LIPA: variants seen among roughly 807,000 people sequenced by gnomAD.
The protein encoded by LIPA is lipase A, lysosomal acid type, also known as lysosomal acid lipase/cholesteryl ester hydrolase.
A neutral mutation model predicts 40.6 loss-of-function variants in LIPA; 26 were observed. That is an observed-to-expected ratio of 0.64 (90% CI 0.47 to 0.89). LIPA has a LOEUF of 0.89. Among genes scored for constraint, LIPA ranks in the 40% least tolerant of loss-of-function variants. LIPA has a pLI of 0.00. For missense variants in LIPA, 455 were observed against 479.6 expected (o/e 0.95, Z 0.48); for synonymous variants, 188 against 168.4 (o/e 1.12, Z -0.90).
At chr10:89,360,507 G>A (rs575029375) in intron 2 of LIPA, among the ~76,000 whole-genome samples, 2 of 152,314 alleles carry the variant, frequency 1.3e-5, no homozygotes, top group Admixed American at 1.3e-4. Flanking sequence ...ATTTACACAA[G>A]CACCATAGAG....
At chr10:89,300,564 G>A (rs761680438) in intron 1 of LIPA, among the ~76,000 whole-genome samples, 30 of 152,182 alleles carry the variant, frequency 2.0e-4, no homozygotes, top group Non-Finnish European at 4.3e-4. Context: ...AATAAAAAGG[G>A]GGAAAATATT....
intron 8 of LIPA, among the ~76,000 whole-genome samples, chr10:89,217,608 A>G (rs191208249): frequency 6.6e-6 from 1 of 152,244 alleles, no homozygotes; most frequent in Non-Finnish European, 1.5e-5. Context: ...ACTTTGTGCT[A>G]AGTCACTTAG....
At chr10:89,215,215 T>A (rs1473979341) in intron 9 of LIPA, among the ~76,000 whole-genome samples, 154 bp from the exon 10 acceptor site, 1 of 152,238 alleles carries the variant, frequency 6.6e-6, no homozygotes, top group Non-Finnish European at 1.5e-5. Flanking sequence ...CAAGTTGCCA[T>A]TACCGGCACA....
At chr10:89,356,170 T>C (rs971571201) in intron 2 of LIPA, among the ~76,000 whole-genome samples, 2 of 151,996 alleles carry the variant, frequency 1.3e-5, no homozygotes, top group African/African-American at 4.8e-5. Flanking sequence ...GTAACACAAC[T>C]AAGGAACAAC....
At chr10:89,271,561 G>A (rs750043273) in intron 1 of LIPA, among the ~76,000 whole-genome samples, 3 of 152,340 alleles carry the variant, frequency 2.0e-5, no homozygotes, top group Non-Finnish European at 4.4e-5. Flanking sequence ...GAGGAGTATG[G>A]TGGCTTGCAG....
intron 2 of LIPA, among the ~76,000 whole-genome samples, chr10:89,394,242 G>C (rs1844300575): frequency 6.6e-6 from 1 of 152,148 alleles, no homozygotes; most frequent in Non-Finnish European, 1.5e-5. Flanking sequence ...TTTAAACATA[G>C]AGTACAGCAA....
intron 1 of LIPA, among the ~76,000 whole-genome samples, chr10:89,286,587 A>C (rs1843342477): frequency 6.6e-6 from 1 of 152,132 alleles, no homozygotes; most frequent in Admixed American, 6.5e-5. Flanking sequence ...GCTCTTTTTC[A>C]TCAAATATAA....
chr10:89,384,872 G>A (rs1844194183), intron 2 of LIPA: 1 of 740,880 alleles, frequency 1.3e-6, no homozygotes, highest in East Asian at 2.6e-5. Context: ...TGTGTGGCCT[G>A]AGTTATGTAG....
chr10:89,352,057 A>T (rs1385618642), intron 2 of LIPA, among the ~76,000 whole-genome samples: 1 of 152,150 alleles, frequency 6.6e-6, no homozygotes, highest in Admixed American at 6.5e-5. Context: ...CCCCTTCCTT[A>T]TTAATCTTTA....
chr10:89,312,080 G>A (rs1843519600), intron 1 of LIPA, among the ~76,000 whole-genome samples: 2 of 151,934 alleles, frequency 1.3e-5, no homozygotes, highest in African/African-American at 4.8e-5. Flanking sequence ...TCTTTCTAGA[G>A]ATGACTTTGC....
upstream of LIPA, among the ~76,000 whole-genome samples, chr10:89,253,138 A>ATAT (rs1226830118): frequency 6.6e-6 from 1 of 152,212 alleles, no homozygotes; most frequent in Non-Finnish European, 1.5e-5. Context: ...AGCCAGTGTA[A>ATAT]TATTTTCAAT....
chr10:89,318,004 G>A lies in LIPA; in HGVS notation c.-2+24607C>T, dbSNP rs375676430. On this transcript the variant is annotated intron_variant, in intron 1 of 5. Coordinates refer to the LIPA transcript ENST00000282673. Reference sequence around the variant, plus strand: ...TGAAGGAGAAATAAAATCCTTTACAGACAAGCAAAGGCTGAGAGATTTTGT... The same window carrying A: ...TGAAGGAGAAATAAAATCCTTTACAAACAAGCAAAGGCTGAGAGATTTTGT... 3.9e-5 allele frequency among the ~76,000 whole-genome samples: 6 copies of A among 152,176 alleles called. No homozygotes were observed. In the East Asian group the frequency reaches 7.7e-4, roughly 20 times the overall value.
intron 6 of LIPA, 54 bp from the exon 7 acceptor site, chr10:89,223,884 A>T: frequency 6.3e-7 from 1 of 1,582,466 alleles, no homozygotes. Context: ...CTGGTGCATA[A>T]GTCTCCGTGA....
At chr10:89,276,125 A>C (rs993938333) in intron 1 of LIPA, among the ~76,000 whole-genome samples, 2 of 152,014 alleles carry the variant, frequency 1.3e-5, no homozygotes, top group Non-Finnish European at 2.9e-5. Context: ...CAAGGCACTT[A>C]ATGCACATTA....
chr10:89,241,554 C>G (rs1175801281), intron 3 of LIPA, among the ~76,000 whole-genome samples: 1 of 152,144 alleles, frequency 6.6e-6, no homozygotes, highest in East Asian at 1.9e-4. Context: ...AATAAACAAT[C>G]AAAGCAAAAT....
intron 2 of LIPA, among the ~76,000 whole-genome samples, chr10:89,400,668 C>T (rs1185310084): frequency 6.6e-6 from 1 of 152,086 alleles, no homozygotes; most frequent in Non-Finnish European, 1.5e-5. Context: ...TGTGTAGAAT[C>T]CTTAGAATTT....
At chr10:89,397,776 C>T (rs1564808764) in intron 2 of LIPA, among the ~76,000 whole-genome samples, 1 of 152,128 alleles carries the variant, frequency 6.6e-6, no homozygotes, top group African/African-American at 2.4e-5. Context: ...TACCAATTTA[C>T]AAAAACACTT....
chr10:89,252,633 C>A (rs954904063), upstream of LIPA, among the ~76,000 whole-genome samples: 1 of 152,100 alleles, frequency 6.6e-6, no homozygotes, highest in Non-Finnish European at 1.5e-5. Flanking sequence ...CTTGGTGAAA[C>A]CCCATCTCTA....
intron 2 of LIPA, among the ~76,000 whole-genome samples, chr10:89,395,623 G>A (rs1844331550): frequency 6.6e-6 from 1 of 152,118 alleles, no homozygotes; most frequent in Non-Finnish European, 1.5e-5. Context: ...GCATCTGCCT[G>A]ATATAAACAA....
Sources: gnomAD v4.1 joint callset for allele counts (sites outside exome capture counted in the v4.1 genomes callset) on GRCh38, gnomAD v4.1.1 for gene constraint, MANE v1.5 for transcripts, NCBI Gene and HGNC (gene_info 2026-07-23, HGNC 2026-07-21) for gene names.